ANKIB1: variants seen among roughly 807,000 people sequenced by gnomAD.
ANKIB1 encodes ankyrin repeat and IBR domain-containing protein 1.
In ANKIB1, 43 loss-of-function variants were observed where a neutral mutation model predicts 122.1. That is an observed-to-expected ratio of 0.35 (90% confidence interval 0.28 to 0.45). The LOEUF (loss-of-function observed/expected upper bound fraction) is 0.45. Ranked by LOEUF, ANKIB1 falls within the 20% of genes least tolerant of loss-of-function variation. ANKIB1 has a pLI of 1.00. For missense variants in ANKIB1, 992 were observed against 1,329.5 expected (o/e 0.75, Z 3.95); for synonymous variants, 390 against 442.0 (o/e 0.88, Z 1.48).
At chr7:92,370,485 G>A (rs1312580624) in intron 10 of ANKIB1, among the ~76,000 whole-genome samples, 1 of 128,404 alleles carries the variant, frequency 7.8e-6, no homozygotes. Flanking sequence ...TCCAGCCTGG[G>A]TGACAGAGCA....
chr7:92,376,235 A>G (rs1804376766), intron 11 of ANKIB1, among the ~76,000 whole-genome samples: 1 of 152,198 alleles, frequency 6.6e-6, no homozygotes, highest in Admixed American at 6.5e-5. Context: ...GAGTCAGCCC[A>G]TTCTTCGAAG....
chr7:92,355,835 C>T (rs765333643), intron 9 of ANKIB1, among the ~76,000 whole-genome samples: 13 of 147,094 alleles, frequency 8.8e-5, no homozygotes, highest in African/African-American at 2.0e-4. Flanking sequence ...GGCAACGGAG[C>T]GAGACTCCGT....
chr7:92,393,057 A>C (rs1804819596), intron 17 of ANKIB1, among the ~76,000 whole-genome samples: 1 of 152,042 alleles, frequency 6.6e-6, no homozygotes, highest in Admixed American at 6.5e-5. Flanking sequence ...TAATATGATA[A>C]CCCTTCAACT....
rs377086215 is a variant in ANKIB1, at chr7:92,341,609, T to C, written c.788-1415T>C. Among the ~76,000 whole-genome samples, 48 of 152,284 alleles carry C rather than the reference T, an allele frequency of 3.2e-4. 1 individual carries two copies. Among genetic ancestry groups the C allele is most frequent in the African/African-American group, 9.9e-4 (41 of 41,564 alleles). The stretch of plus-strand genomic sequence containing the variant: ...TTAAAAAGAAGGAAATAATGTTAAA[T>C]AAGTTTACTTGGAGAGATTTTCCAG... On this transcript the variant is annotated intron_variant, in intron 5 of 19. Transcript: ENST00000265742.
chr7:92,298,521 G>A (rs1585094881), intron 2 of ANKIB1, among the ~76,000 whole-genome samples: 1 of 151,830 alleles, frequency 6.6e-6, no homozygotes, highest in African/African-American at 2.4e-5. Context: ...AAGTCATTTA[G>A]TCCAGTGATT....
intron 1 of ANKIB1, among the ~76,000 whole-genome samples, chr7:92,274,180 A>G (rs919478861): frequency 6.6e-6 from 1 of 152,156 alleles, no homozygotes; most frequent in Non-Finnish European, 1.5e-5. Context: ...AAATTCAAGT[A>G]CCTACAAACA....
chr7:92,317,536 A>G (rs1441252232), intron 3 of ANKIB1, among the ~76,000 whole-genome samples: 1 of 152,148 alleles, frequency 6.6e-6, no homozygotes, highest in Non-Finnish European at 1.5e-5. Context: ...TATTTTAAGC[A>G]TTGTGGCCAT....
chr7:92,351,399 G>C (rs1322616378), intron 8 of ANKIB1, among the ~76,000 whole-genome samples: 1 of 152,092 alleles, frequency 6.6e-6, no homozygotes, highest in African/African-American at 2.4e-5. Flanking sequence ...GATTGATCAA[G>C]ATAATGTTCA....
intron 1 of ANKIB1, among the ~76,000 whole-genome samples, chr7:92,281,668 A>G (rs1177963164): frequency 6.6e-6 from 1 of 152,220 alleles, no homozygotes; most frequent in Non-Finnish European, 1.5e-5. Flanking sequence ...TTTCCCTTGT[A>G]GTAATAATAA....
At chr7:92,254,213 A>G (rs1302820131) in intron 1 of ANKIB1, among the ~76,000 whole-genome samples, 2 of 152,156 alleles carry the variant, frequency 1.3e-5, no homozygotes, top group South Asian at 4.1e-4. Context: ...CTGCTAGCCA[A>G]CCTACAGAGT....
chr7:92,381,654 G>A (rs1267926486), intron 11 of ANKIB1, among the ~76,000 whole-genome samples: 3 of 152,162 alleles, frequency 2.0e-5, no homozygotes, highest in East Asian at 3.9e-4. Context: ...CTTCATAAGT[G>A]AAGGAGAAAT....
At chr7:92,252,909 T>C (rs899398659) in intron 1 of ANKIB1, among the ~76,000 whole-genome samples, 4 of 151,906 alleles carry the variant, frequency 2.6e-5, no homozygotes, top group African/African-American at 9.7e-5. Context: ...TTTTTGTTTT[T>C]TGTGGGTTGT....
chr7:92,256,976 G>A (rs1368140643), intron 1 of ANKIB1, among the ~76,000 whole-genome samples: 1 of 152,162 alleles, frequency 6.6e-6, no homozygotes, highest in Non-Finnish European at 1.5e-5. Flanking sequence ...GCTCACCTGA[G>A]GTCAAGAGTT....
At chr7:92,344,202 T>G (rs77518748) in intron 6 of ANKIB1, among the ~76,000 whole-genome samples, 95 of 62,640 alleles carry the variant, frequency 1.5e-3, no homozygotes, top group African/African-American at 4.0e-3. Context: ...GGTTTTTTTT[T>G]TTTTTTTTTT....
intron 9 of ANKIB1, among the ~76,000 whole-genome samples, chr7:92,359,957 C>G (rs113270132): frequency 4.6e-5 from 7 of 152,128 alleles, no homozygotes; most frequent in Admixed American, 4.6e-4. Context: ...TAAGCTACCA[C>G]TAAGTTGCTA....
At chr7:92,292,357 CATTT>C (rs1296969719) in intron 1 of ANKIB1, among the ~76,000 whole-genome samples, 2 of 152,162 alleles carry the variant, frequency 1.3e-5, no homozygotes, top group Admixed American at 6.5e-5. Context: ...ATTTAATGCA[CATTT>C]AGAGTATTAT....
At chr7:92,270,728 GTTT>G (rs397889266) in intron 1 of ANKIB1, among the ~76,000 whole-genome samples, 2 of 81,998 alleles carry the variant, frequency 2.4e-5, no homozygotes, top group South Asian at 9.4e-4. Context: ...CATCGCTATA[GTTT>G]TTTTTTTTTT....
intron 1 of ANKIB1, among the ~76,000 whole-genome samples, chr7:92,279,827 C>G (rs1055803771): frequency 2.6e-5 from 4 of 152,126 alleles, no homozygotes; most frequent in Non-Finnish European, 5.9e-5. Context: ...CTTTTTTATC[C>G]TGGCAACCTT....
At chr7:92,349,725 A>AT (rs1803617811) in intron 7 of ANKIB1, among the ~76,000 whole-genome samples, 1 of 152,140 alleles carries the variant, frequency 6.6e-6, no homozygotes, top group South Asian at 2.1e-4. Flanking sequence ...CACCATGTAG[A>AT]TTTTTCACAT....
Sources: allele counts gnomAD v4.1 joint callset (sites outside exome capture counted in the v4.1 genomes callset), GRCh38; gene constraint gnomAD v4.1.1; transcripts MANE v1.5; gene names NCBI Gene and HGNC (gene_info 2026-07-23, HGNC 2026-07-21).